SIL1: variants seen among roughly 807,000 people sequenced by gnomAD.
SIL1 encodes the protein SIL1 nucleotide exchange factor.
A neutral mutation model predicts 49.1 loss-of-function variants in SIL1; 40 were observed. That is an observed-to-expected ratio of 0.81 (90% confidence interval 0.63 to 1.06). The LOEUF is 1.06. Ranked by LOEUF, SIL1 falls within the 50% of genes least tolerant of loss-of-function variation. The probability of loss-of-function intolerance (pLI) is 0.00; values close to 1 mark genes in which losing one functional copy is unlikely to be tolerated. For synonymous variants in SIL1, 253 were observed against 250.8 expected, an observed-to-expected ratio of 1.01 and a Z score of -0.08; for missense variants, 500 against 572.6, an observed-to-expected ratio of 0.87 and a Z score of 1.29.
intron 3 of SIL1, among the ~76,000 whole-genome samples, chr5:139,068,675 G>A (rs67292390): frequency 0.018 from 1,280 of 70,292 alleles, 23 homozygotes; most frequent in Non-Finnish European, 0.028. Flanking sequence ...AAAAAAAAAA[G>A]AAGAGAAAGC....
intron 3 of SIL1, among the ~76,000 whole-genome samples, chr5:139,080,194 G>A (rs1285453864): frequency 6.6e-6 from 1 of 152,152 alleles, no homozygotes; most frequent in Non-Finnish European, 1.5e-5. Context: ...ACACACTAAT[G>A]AAAACAGTTA....
intron 7 of SIL1, among the ~76,000 whole-genome samples, chr5:139,019,375 A>G (rs1768468475): frequency 6.6e-6 from 1 of 152,188 alleles, no homozygotes; most frequent in South Asian, 2.1e-4. Context: ...GGTGTTTGGG[A>G]GCCTGCTGTT....
chr5:138,999,013 C>T (rs1200063107), intron 7 of SIL1, among the ~76,000 whole-genome samples: 2 of 151,972 alleles, frequency 1.3e-5, no homozygotes, highest in East Asian at 1.9e-4. Context: ...CCCGCCACCA[C>T]GCCCAGCTAA....
intron 7 of SIL1, among the ~76,000 whole-genome samples, chr5:138,970,543 C>A (rs1767246763): frequency 6.6e-6 from 1 of 152,112 alleles, no homozygotes; most frequent in Non-Finnish European, 1.5e-5. Context: ...AGAGGCATGA[C>A]AAAGGTAAAA....
At chr5:139,048,238 C>T (rs914198635) in intron 4 of SIL1, among the ~76,000 whole-genome samples, 1 of 152,092 alleles carries the variant, frequency 6.6e-6, no homozygotes, top group Non-Finnish European at 1.5e-5. Context: ...GCAGCCTCAA[C>T]CTCCCCAGGC....
intron 1 of SIL1, among the ~76,000 whole-genome samples, chr5:139,165,416 T>G (rs1751598180): frequency 6.6e-6 from 1 of 151,902 alleles, no homozygotes; most frequent in Admixed American, 6.6e-5. Context: ...ATGTGTGATC[T>G]CGGCTCACTG....
intron 7 of SIL1, among the ~76,000 whole-genome samples, chr5:138,979,990 A>C (rs1767480932): frequency 6.6e-6 from 1 of 152,152 alleles, no homozygotes; most frequent in Non-Finnish European, 1.5e-5. Flanking sequence ...AATGGGGACA[A>C]CTCAGGCAAA....
At chr5:138,958,040 T>C (rs1408157310) in intron 7 of SIL1, among the ~76,000 whole-genome samples, 1 of 152,122 alleles carries the variant, frequency 6.6e-6, no homozygotes, top group Non-Finnish European at 1.5e-5. Context: ...ATTACCGGCA[T>C]GAGCCACTGC....
rs1029671025 is a variant in SIL1 at position 139,041,455 on chromosome 5, T to C, written c.453+1165A>G. Among the ~76,000 whole-genome samples, 16 of 152,310 alleles carry C rather than the reference T, an allele frequency of 1.1e-4. No homozygotes were observed. In the East Asian group the frequency reaches 3.1e-3, roughly 29 times the overall value. ...AATACACAAGCTGTCAAGAGGCTAA[T>C]GCTGTCTCTCTAGGACATTACCTGG... On this transcript the variant is annotated intron_variant, in intron 5 of 9. Coordinates refer to ENST00000394817, the MANE Select transcript of SIL1 (RefSeq NM_022464.5).
At chr5:139,102,717 T>G (rs1283450574) in intron 3 of SIL1, among the ~76,000 whole-genome samples, 1 of 151,244 alleles carries the variant, frequency 6.6e-6, no homozygotes. Flanking sequence ...TCTTTTTTTT[T>G]TTTTTTGTTT....
chr5:139,013,709 G>A (rs1190731743), intron 7 of SIL1: 1 of 152,306 alleles, frequency 6.6e-6, no homozygotes, highest in Non-Finnish European at 1.5e-5. Flanking sequence ...AACATCTTCA[G>A]GTATTTGAAC....
intron 3 of SIL1, among the ~76,000 whole-genome samples, chr5:139,077,170 C>T (rs1360858767): frequency 6.6e-6 from 1 of 152,138 alleles, no homozygotes; most frequent in Non-Finnish European, 1.5e-5. Flanking sequence ...CCACCTCTGA[C>T]CCTGCCCCAG....
chr5:139,082,482 T>C (rs537647132), intron 3 of SIL1, among the ~76,000 whole-genome samples: 1 of 152,186 alleles, frequency 6.6e-6, no homozygotes, highest in African/African-American at 2.4e-5. Context: ...TACAAGTCAT[T>C]TGATACAAAG....
intron 3 of SIL1, among the ~76,000 whole-genome samples, chr5:139,108,925 T>C (rs1181055017): frequency 1.3e-5 from 2 of 151,918 alleles, no homozygotes; most frequent in Non-Finnish European, 2.9e-5. Flanking sequence ...AAAAGAGTAT[T>C]GTGTTCAAAC....
chr5:139,112,709 G>A (rs1193218722), intron 3 of SIL1, among the ~76,000 whole-genome samples: 10 of 150,348 alleles, frequency 6.7e-5, no homozygotes, highest in South Asian at 2.1e-4. Context: ...CCGCCGCCCC[G>A]TGCGGGAGGT....
At chr5:138,989,904 A>G (rs1190687758) in intron 7 of SIL1, among the ~76,000 whole-genome samples, 1 of 152,192 alleles carries the variant, frequency 6.6e-6, no homozygotes. Context: ...TCTGACTGCC[A>G]GCTGGCTCTG....
chr5:139,051,236 A>G (rs1769277749), intron 3 of SIL1, 190 bp from the exon 4 acceptor site: 2 of 627,642 alleles, frequency 3.2e-6, no homozygotes, highest in African/African-American at 1.8e-5. Context: ...TTGCTAATCT[A>G]TAAGGAAATC....
At chr5:139,044,268 T>A (rs1769104859) in intron 4 of SIL1, among the ~76,000 whole-genome samples, 1 of 152,118 alleles carries the variant, frequency 6.6e-6, no homozygotes, top group Non-Finnish European at 1.5e-5. Flanking sequence ...TGCCAATGTG[T>A]GAGGATACCA....
intron 4 of SIL1, among the ~76,000 whole-genome samples, chr5:139,046,023 T>G (rs910600107): frequency 5.3e-5 from 8 of 152,188 alleles, no homozygotes; most frequent in Non-Finnish European, 8.8e-5. Context: ...TAAATCACTC[T>G]CCTGCCTAAA....
Sources: gnomAD v4.1 joint callset for allele counts (sites outside exome capture counted in the v4.1 genomes callset) on GRCh38, gnomAD v4.1.1 for gene constraint, MANE v1.5 for transcripts, NCBI Gene and HGNC (gene_info 2026-07-23, HGNC 2026-07-21) for gene names.